Variants in BTD observed in about 807,000 individuals in gnomAD.
BTD encodes biocytinase.
Under a neutral mutation model 17.7 loss-of-function variants are expected in BTD, and 13 were observed. The observed-to-expected ratio is 0.74, with a 90% CI of 0.48 to 1.17. The LOEUF (loss-of-function observed/expected upper bound fraction) is 1.17, where lower values mean the gene tolerates loss of function less well. BTD is among the 50% of genes most tolerant of loss of function. The pLI is 0.00. For missense variants in BTD, 674 were observed against 650.4 expected (o/e 1.04, Z -0.39); for synonymous variants, 240 against 245.2 (o/e 0.98, Z 0.20).
At chr3:15,697,805 G>A (rs1361966143) in intron 3 of BTD, among the ~76,000 whole-genome samples, 1 of 152,204 alleles carries the variant, frequency 6.6e-6, no homozygotes, top group African/African-American at 2.4e-5. Flanking sequence ...CAGAAGGAAT[G>A]GTACCAGCTC....
intron 3 of BTD, chr3:15,684,118 T>G (rs1234053225): frequency 1.3e-5 from 2 of 152,222 alleles, no homozygotes; most frequent in Non-Finnish European, 2.9e-5. Flanking sequence ...GCCTGAAGCT[T>G]GAACTTTGAC....
intron 3 of BTD, chr3:15,670,120 C>G: frequency 2.3e-6 from 2 of 856,388 alleles, no homozygotes; most frequent in South Asian, 4.2e-5. Flanking sequence ...CTTTAAAACT[C>G]TTCCTCCTAA....
chr3:15,694,921 A>C, intron 3 of BTD: 1 of 992,092 alleles, frequency 1.0e-6, no homozygotes, highest in Non-Finnish European at 1.6e-6. Flanking sequence ...GCAACTCAGC[A>C]AACTTATAAA....
intron 1 of BTD, among the ~76,000 whole-genome samples, chr3:15,606,019 G>A (rs1437581723): frequency 6.9e-6 from 1 of 145,650 alleles, no homozygotes; most frequent in Non-Finnish European, 1.5e-5. Context: ...CTCTAGCCTG[G>A]GTGACAGAGC....
chr3:15,629,383 G>A (rs1159070182), intron 1 of BTD, among the ~76,000 whole-genome samples: 1 of 152,182 alleles, frequency 6.6e-6, no homozygotes, highest in African/African-American at 2.4e-5. Flanking sequence ...AGATCTGTGT[G>A]TTCAAGCCTT....
chr3:15,640,962 T>C (rs2065485487), intron 2 of BTD, among the ~76,000 whole-genome samples: 1 of 152,204 alleles, frequency 6.6e-6, no homozygotes, highest in Non-Finnish European at 1.5e-5. Context: ...ACTTTGCTAA[T>C]TTGAATTGTT....
intron 1 of BTD, among the ~76,000 whole-genome samples, chr3:15,624,621 G>C (rs538506380): frequency 7.0e-6 from 1 of 142,412 alleles, no homozygotes; most frequent in South Asian, 2.2e-4. Flanking sequence ...TTGCATGTTG[G>C]CTGTTGTTTT....
chr3:15,601,903 G>A lies in BTD; in HGVS notation c.-17+9G>A. 1 of 1,613,592 alleles carries A rather than the reference G, an allele frequency of 6.2e-7. No individual in the cohort carries two copies. The highest frequency in any genetic ancestry group is 8.5e-7 in the Non-Finnish European group (1 of 1,180,014). ...AGGCGCGCTAAGAGCAGGTACGGAG[G>A]GGGCGTGGTGCGGCGCGGAGGGGGT... On this transcript the variant is annotated intron_variant, in intron 1 of 3. Transcript: ENST00000643237.
chr3:15,697,725 T>G (rs548669064), intron 3 of BTD, among the ~76,000 whole-genome samples: 3 of 152,272 alleles, frequency 2.0e-5, no homozygotes, highest in Non-Finnish European at 4.4e-5. Flanking sequence ...GGCTTTGGTA[T>G]CAGGATGATG....
intron 3 of BTD, chr3:15,697,250 C>G (rs1027555316): frequency 2.0e-5 from 3 of 152,986 alleles, no homozygotes; most frequent in Admixed American, 1.3e-4. Context: ...CGCGAAGGCA[C>G]AAAAATGATA....
Position 15,652,954 on chromosome 3 carries a change from T to C in BTD, c.*7466T>C, listed in dbSNP as rs888847867. Among the ~76,000 whole-genome samples the C allele has an allele frequency of 6.6e-6, 1 of 151,378 alleles. No homozygotes were observed. Among genetic ancestry groups the C allele is most frequent in the African/African-American group, 2.5e-5 (1 of 40,650 alleles). On this transcript the variant is annotated 3_prime_UTR_variant, in exon 4 of 4. Coordinates refer to ENST00000643237, the MANE Select transcript of BTD (RefSeq NM_001370658.1). ...GGAGAACAACAAAAAGAAGGGTCCA[T>C]GCTGAACAAACTTGTTTGCTTTGAA...
intron 3 of BTD, chr3:15,694,693 T>G: frequency 6.5e-7 from 1 of 1,537,176 alleles, no homozygotes; most frequent in Non-Finnish European, 9.0e-7. Context: ...TTAGATATTT[T>G]CAGTAAACCA....
At chr3:15,698,695 A>G (rs1207864891) in intron 3 of BTD, among the ~76,000 whole-genome samples, 1 of 152,200 alleles carries the variant, frequency 6.6e-6, no homozygotes, top group African/African-American at 2.4e-5. Context: ...GATGTGAAGG[A>G]CCTCTTCAGG....
At chr3:15,661,265 C>CAAAAAAAAAAAAAAA (rs56165902) in intron 3 of BTD, among the ~76,000 whole-genome samples, 24 of 93,752 alleles carry the variant, frequency 2.6e-4, no homozygotes, top group South Asian at 3.6e-4. Flanking sequence ...GACTCTGTCT[C>CAAAAAAAAAAAAAAA]AAAAAAAAAA....
At chr3:15,604,147 A>G (rs893553562) in intron 1 of BTD, among the ~76,000 whole-genome samples, 4 of 152,216 alleles carry the variant, frequency 2.6e-5, no homozygotes, top group Middle Eastern at 3.2e-3. Flanking sequence ...TCCCTTCCAC[A>G]CTGCCCTAGC....
intron 1 of BTD, among the ~76,000 whole-genome samples, chr3:15,606,120 C>A (rs12330387): frequency 0.027 from 4,077 of 151,386 alleles, 197 homozygotes; most frequent in African/African-American, 0.091. Context: ...GCCTCCTGTC[C>A]TTGTTGAAGA....
In BTD at chr3:15,677,876, T is replaced by C. The variant is rs572726254; in HGVS notation, c.400-32184T>C. 7.8e-4 allele frequency among the ~76,000 whole-genome samples: 118 copies of C among 152,234 alleles called. 1 individual carries two copies. The highest frequency in any genetic ancestry group is 2.7e-3 in the African/African-American group (112 of 41,536). On this transcript the variant is annotated intron_variant, in intron 3 of 3. Coordinates refer to the BTD transcript ENST00000672141. ...TTAACCCTCACAACAACACACCAAG[T>C]AGATACTGTTATTTTTCTCATTTTA... is the stretch of plus-strand genomic sequence containing the variant.
intron 1 of BTD, among the ~76,000 whole-genome samples, chr3:15,607,963 CA>C (rs1359816037): frequency 2.0e-5 from 3 of 152,184 alleles, no homozygotes; most frequent in Admixed American, 1.3e-4. Context: ...CTGTGGACTT[CA>C]GAGTACCAAA....
intron 3 of BTD, among the ~76,000 whole-genome samples, chr3:15,643,466 A>C (rs983135674): frequency 1.3e-5 from 2 of 152,088 alleles, no homozygotes; most frequent in African/African-American, 4.8e-5. Context: ...GTGCCACTGC[A>C]CTCCAGCCTG....
Sources: allele counts gnomAD v4.1 joint callset (sites outside exome capture counted in the v4.1 genomes callset), GRCh38; gene constraint gnomAD v4.1.1; transcripts MANE v1.5; gene names NCBI Gene and HGNC (gene_info 2026-07-23, HGNC 2026-07-21).